Variants in TAOK1 observed in about 807,000 individuals in gnomAD.
TAOK1 encodes the protein TAO kinase 1.
A neutral mutation model predicts 138.3 loss-of-function variants in TAOK1; 21 were observed. The ratio of observed to expected loss-of-function variants is 0.15; its 90% CI spans 0.11 to 0.22. The LOEUF (loss-of-function observed/expected upper bound fraction) is 0.22. Among genes scored for constraint, TAOK1 ranks in the 10% least tolerant of loss-of-function variants. The pLI is 1.00. For missense variants in TAOK1, 651 were observed against 1,227.7 expected (o/e 0.53, Z 7.02); for synonymous variants, 361 against 398.4 (o/e 0.91, Z 1.12).
At chr17:29,499,633 C>T (rs1270778298) in intron 12 of TAOK1, among the ~76,000 whole-genome samples, 1 of 148,436 alleles carries the variant, frequency 6.7e-6, no homozygotes, top group African/African-American at 2.5e-5. Context: ...AATCTCGGCT[C>T]ACTGCAACCT....
At chr17:29,493,446 A>G (rs1335307405) in intron 10 of TAOK1, among the ~76,000 whole-genome samples, 1 of 151,752 alleles carries the variant, frequency 6.6e-6, no homozygotes, top group Admixed American at 6.6e-5. Flanking sequence ...GTGAGCTGAG[A>G]TCGCACCATT....
chr17:29,425,629 A>T (rs1173787112), intron 1 of TAOK1, among the ~76,000 whole-genome samples: 3 of 152,180 alleles, frequency 2.0e-5, no homozygotes, highest in Non-Finnish European at 4.4e-5. Context: ...ACACCACTGC[A>T]TTCCAGCCTG....
chr17:29,433,599 TGAAAAGGGAA>T (rs538515295), intron 1 of TAOK1, among the ~76,000 whole-genome samples: 29 of 150,954 alleles, frequency 1.9e-4, no homozygotes, highest in Non-Finnish European at 4.1e-4. Context: ...TTTTATTGGG[TGAAAAGGGAA>T]AAAAAGGGGA....
At chr17:29,397,936 G>A (rs56260437) in intron 1 of TAOK1, among the ~76,000 whole-genome samples, 24,291 of 151,858 alleles carry the variant, frequency 0.16, 2,070 homozygotes, top group Admixed American at 0.21. Flanking sequence ...ACCCAGGTGG[G>A]AGTGCAGTGG....
intron 2 of TAOK1, among the ~76,000 whole-genome samples, chr17:29,457,927 G>A (rs1236235087): frequency 6.6e-6 from 1 of 151,830 alleles, no homozygotes; most frequent in African/African-American, 2.4e-5. Flanking sequence ...TGGCTAACAC[G>A]GTGAAACTCC....
intron 2 of TAOK1, among the ~76,000 whole-genome samples, chr17:29,464,702 A>G (rs2030615139): frequency 6.6e-6 from 1 of 152,146 alleles, no homozygotes; most frequent in Non-Finnish European, 1.5e-5. Context: ...GGCTAGATCT[A>G]CTTCACCCTT....
chr17:29,494,609 G>A (rs543815675), intron 10 of TAOK1, among the ~76,000 whole-genome samples: 73 of 152,158 alleles, frequency 4.8e-4, no homozygotes, highest in South Asian at 3.7e-3. Flanking sequence ...GGCGGATCAC[G>A]AGGTCAGGAG....
intron 3 of TAOK1, among the ~76,000 whole-genome samples, chr17:29,474,853 T>TAAA (rs61128492): frequency 1.3e-5 from 2 of 149,816 alleles, no homozygotes; most frequent in African/African-American, 4.9e-5. Context: ...CAATTTGTTT[T>TAAA]AAAAAAAAAA....
intron 1 of TAOK1, among the ~76,000 whole-genome samples, chr17:29,404,729 A>G (rs1400045884): frequency 6.6e-6 from 1 of 152,092 alleles, no homozygotes; most frequent in Non-Finnish European, 1.5e-5. Flanking sequence ...GGATGGAGTT[A>G]CAGTGAGCCA....
Position 29,440,047 on chromosome 17 carries a change from T to G in TAOK1, c.-94-11408T>G, listed in dbSNP as rs561541100. Among the ~76,000 whole-genome samples, 46 of 152,232 alleles carry G rather than the reference T, an allele frequency of 3.0e-4. 2 individuals carry two copies. The South Asian group carries it at 9.3e-3, about 31-fold the overall frequency. ...AATTTTTAAAAATGAACAAAAATCT[T>G]TCTACTTTGCAAAGTTGTAACACAG... On this transcript the variant is annotated intron_variant, in intron 1 of 19. Transcript: ENST00000261716.
intron 1 of TAOK1, among the ~76,000 whole-genome samples, chr17:29,409,424 TC>T (rs1442474379): frequency 1.4e-5 from 2 of 146,192 alleles, no homozygotes; most frequent in African/African-American, 5.0e-5. Context: ...AAGCTCCGCC[TC>T]CCAGGTTCAT....
At chr17:29,449,817 G>A (rs564110158) in intron 1 of TAOK1, among the ~76,000 whole-genome samples, 2 of 152,208 alleles carry the variant, frequency 1.3e-5, no homozygotes, top group Non-Finnish European at 2.9e-5. Context: ...CTCCAGCCTG[G>A]GTGACAGAGT....
At chr17:29,504,502 C>G (rs1296059815) in intron 13 of TAOK1, among the ~76,000 whole-genome samples, 1 of 151,486 alleles carries the variant, frequency 6.6e-6, no homozygotes, top group Non-Finnish European at 1.5e-5. Context: ...AACCTCATCT[C>G]TACTAAAAAC....
rs2032438828 is a variant in TAOK1, at chr17:29,548,460, AC to A, written c.*5439del. Reference sequence around the variant, plus strand: ...ATTGTATTGTTTTGTTTCTAAATATACAAGGAATTCTTTAAATAGAGAAAAA... The same window carrying A: ...ATTGTATTGTTTTGTTTCTAAATATAAAGGAATTCTTTAAATAGAGAAAAA... On this transcript the variant is annotated 3_prime_UTR_variant, in exon 20 of 20. Transcript: ENST00000261716. The A allele has an allele frequency of 6.6e-6, 1 of 152,132 alleles. No homozygotes were observed. Among genetic ancestry groups the A allele is most frequent in the Admixed American group, 6.6e-5 (1 of 15,264 alleles). 9.4% of individuals were successfully genotyped at this position (152,132 alleles called of 1,614,324 possible).
intron 17 of TAOK1, among the ~76,000 whole-genome samples, chr17:29,527,083 G>A (rs1469878975): frequency 3.9e-5 from 6 of 151,974 alleles, no homozygotes; most frequent in East Asian, 1.9e-4. Flanking sequence ...CTGAGGTAGC[G>A]CCACTGCACT....
At chr17:29,520,019 A>ACCAGCTCC (rs2031887029) in intron 16 of TAOK1, among the ~76,000 whole-genome samples, 1 of 152,006 alleles carries the variant, frequency 6.6e-6, no homozygotes, top group Non-Finnish European at 1.5e-5. Flanking sequence ...CTCCACTAAA[A>ACCAGCTCC]ATATTTTAAA....
rs1292598717 is a variant in TAOK1, at chr17:29,550,285, T to C, written c.*7263T>C. The C allele has an allele frequency of 6.6e-6, 1 of 152,236 alleles. No individual in the cohort carries two copies. Among genetic ancestry groups the C allele is most frequent in the Non-Finnish European group, 1.5e-5 (1 of 68,026 alleles). The allele number at this position is 152,236 out of a possible 1,614,324, so 9.4% of individuals were successfully genotyped here. Reference sequence around the variant, plus strand: ...GCAATGGTCGGATGTAAATAACATTTAAAGTATAGTGCACATAACTTCCCC... The same window carrying C: ...GCAATGGTCGGATGTAAATAACATTCAAAGTATAGTGCACATAACTTCCCC... On this transcript the variant is annotated 3_prime_UTR_variant, in exon 20 of 20. Coordinates refer to ENST00000261716, the MANE Select transcript of TAOK1 (RefSeq NM_020791.4).
intron 2 of TAOK1, among the ~76,000 whole-genome samples, chr17:29,460,277 C>A (rs528333183): frequency 6.6e-6 from 1 of 152,306 alleles, no homozygotes; most frequent in South Asian, 2.1e-4. Flanking sequence ...CTGTAACCTT[C>A]ACCTCCCGGG....
intron 18 of TAOK1, among the ~76,000 whole-genome samples, chr17:29,532,491 C>A (rs922192107): frequency 1.3e-5 from 2 of 151,978 alleles, no homozygotes; most frequent in Admixed American, 6.6e-5. Context: ...GAGGACCCTT[C>A]GGCCTTCCCA....
Sources: gnomAD v4.1 joint callset for allele counts (sites outside exome capture counted in the v4.1 genomes callset) on GRCh38, gnomAD v4.1.1 for gene constraint, MANE v1.5 for transcripts, NCBI Gene and HGNC (gene_info 2026-07-23, HGNC 2026-07-21) for gene names.